The following RIC8B variants were observed in gnomAD, a reference collection of about 807,000 sequenced individuals.
RIC8B encodes the protein chaperone Ric-8B.
In RIC8B, 16 loss-of-function variants were observed where a neutral mutation model predicts 57.5. The ratio of observed to expected loss-of-function variants is 0.28; its 90% CI spans 0.19 to 0.42. The LOEUF is 0.42. Ranked by LOEUF, RIC8B falls within the 10% of genes least tolerant of loss-of-function variation. RIC8B has a pLI of 1.00. For missense variants in RIC8B, 481 were observed against 677.0 expected (o/e 0.71, Z 3.21); for synonymous variants, 216 against 250.8 (o/e 0.86, Z 1.31).
intron 2 of RIC8B, among the ~76,000 whole-genome samples, chr12:106,790,718 T>G (rs1293019040): frequency 1.3e-5 from 2 of 152,190 alleles, no homozygotes; most frequent in Non-Finnish European, 2.9e-5. Flanking sequence ...GGAAGAGACA[T>G]ATCATAAAAT....
At chr12:106,884,128 A>C (rs1181156473) in intron 9 of RIC8B, among the ~76,000 whole-genome samples, 1 of 152,216 alleles carries the variant, frequency 6.6e-6, no homozygotes, top group Non-Finnish European at 1.5e-5. Context: ...ACCTCACTTG[A>C]CAGTGCCCTC....
intron 9 of RIC8B, among the ~76,000 whole-genome samples, chr12:106,872,852 A>G (rs1212069798): frequency 6.6e-6 from 1 of 152,204 alleles, no homozygotes; most frequent in East Asian, 1.9e-4. Flanking sequence ...TAACTGGGCC[A>G]TCTACCCTGG....
In RIC8B at chr12:106,834,983, C is replaced by CAA. The variant is rs71072695; in HGVS notation, c.837-7581_837-7580dup. On this transcript the variant is annotated intron_variant, in intron 4 of 9. Transcript: ENST00000392837. Reference sequence around the variant, plus strand: ...TGGGCGACAGAGCGAGACTCTGTCTCAAAAAAAAAAAAAAAAAAAAAAAAA... The same window carrying CAA: ...TGGGCGACAGAGCGAGACTCTGTCTCAAAAAAAAAAAAAAAAAAAAAAAAAAA... Among the ~76,000 whole-genome samples the CAA allele has an allele frequency of 1.6e-3, 51 of 31,266 alleles. 2 individuals carry two copies. Among genetic ancestry groups the CAA allele is most frequent in the South Asian group, 4.1e-3 (3 of 736 alleles). 20.5% of individuals were successfully genotyped at this position (31,266 alleles called of 152,430 possible). A position where few individuals can be genotyped will look rare whatever the true frequency, so the allele number is the denominator to read the frequency against.
At chr12:106,862,372 G>T (rs1422634300) in intron 8 of RIC8B, among the ~76,000 whole-genome samples, 1 of 151,964 alleles carries the variant, frequency 6.6e-6, no homozygotes, top group Non-Finnish European at 1.5e-5. Context: ...GAAAAAGTGT[G>T]GTGAGATATT....
In RIC8B at chr12:106,879,086, A is replaced by T; in HGVS notation, c.1572-6818A>T. On this transcript the variant is annotated intron_variant, in intron 9 of 9. Coordinates refer to ENST00000392837, the MANE Select transcript of RIC8B (RefSeq NM_001330145.2). The surrounding 1 kb of genome is among the most constrained non-coding windows in gnomAD (Gnocchi z 4.9). ...ACAAGGGAATGATTTTTGAGTCGTTATCAAGCTAAGTGGCAAGCGGGAAGC... is the reference window on the plus strand; with the variant it reads ...ACAAGGGAATGATTTTTGAGTCGTTTTCAAGCTAAGTGGCAAGCGGGAAGC... 1 of 985,800 alleles carries T rather than the reference A, an allele frequency of 1.0e-6. No individual in the cohort carries two copies. Among genetic ancestry groups the T allele is most frequent in the African/African-American group, 1.7e-5 (1 of 57,352 alleles). 61.1% of individuals were successfully genotyped at this position (985,800 alleles called of 1,614,324 possible).
chr12:106,839,701 A>C (rs1264530071), intron 4 of RIC8B, among the ~76,000 whole-genome samples: 2 of 152,242 alleles, frequency 1.3e-5, no homozygotes, highest in African/African-American at 2.4e-5. Context: ...TCTTACCACA[A>C]AAGAAAAAAA....
chr12:106,775,580 C>G (rs1419111268), intron 1 of RIC8B, among the ~76,000 whole-genome samples: 1 of 152,196 alleles, frequency 6.6e-6, no homozygotes, highest in Non-Finnish European at 1.5e-5. Flanking sequence ...GTAACTTGCC[C>G]AAGGTCATAC....
chr12:106,863,702 G>A (rs1212034463), intron 8 of RIC8B, among the ~76,000 whole-genome samples: 2 of 152,030 alleles, frequency 1.3e-5, no homozygotes, highest in Non-Finnish European at 2.9e-5. Context: ...GTCATAAAAC[G>A]TATCTAAATT....
rs574135460 is a variant in RIC8B at position 106,821,304 on chromosome 12, CAT to C, written c.742-4420_742-4419del. On this transcript the variant is annotated intron_variant, in intron 3 of 9. Transcript: ENST00000392837. Reference sequence around the variant, plus strand: ...CTCATCTAACGGATATTTATGGAGACATAGACTAATGGAATAGAATAAATAGA... The same window carrying C: ...CTCATCTAACGGATATTTATGGAGACAGACTAATGGAATAGAATAAATAGA... Among the ~76,000 whole-genome samples the C allele has an allele frequency of 4.9e-4, 75 of 152,238 alleles. 1 individual carries two copies. The highest frequency in any genetic ancestry group is 1.7e-3 in the African/African-American group (69 of 41,536).
At position 106,819,221 on chromosome 12, in the gene RIC8B, A is replaced by G. The variant is rs572133362; in HGVS notation, c.741+3917A>G. Among the ~76,000 whole-genome samples the G allele has an allele frequency of 4.6e-5, 7 of 152,324 alleles. No individual in the cohort carries two copies. In the South Asian group the frequency reaches 6.2e-4, roughly 14 times the overall value. On this transcript the variant is annotated intron_variant, in intron 3 of 9. Coordinates refer to ENST00000392837, the MANE Select transcript of RIC8B (RefSeq NM_001330145.2). ...TCAACATGTGTTTCTTTAAGCCACAAGGTTCCTAGCAGTGGCCTCTGGGAG... is the reference window on the plus strand; with the variant it reads ...TCAACATGTGTTTCTTTAAGCCACAGGGTTCCTAGCAGTGGCCTCTGGGAG...
chr12:106,796,118 C>T (rs932812471), intron 2 of RIC8B, among the ~76,000 whole-genome samples: 11 of 152,232 alleles, frequency 7.2e-5, no homozygotes, highest in African/African-American at 2.4e-4. Flanking sequence ...TTTTAGAAAC[C>T]CAGGTGGCTT....
intron 8 of RIC8B, among the ~76,000 whole-genome samples, chr12:106,863,636 A>G (rs1231065669): frequency 6.6e-6 from 1 of 152,078 alleles, no homozygotes; most frequent in Non-Finnish European, 1.5e-5. Flanking sequence ...TTGGGCTGTG[A>G]TGATGTATTT....
chr12:106,792,226 A>G (rs1242151349), intron 2 of RIC8B, among the ~76,000 whole-genome samples: 1 of 152,208 alleles, frequency 6.6e-6, no homozygotes, highest in African/African-American at 2.4e-5. Flanking sequence ...GGCAGGATGA[A>G]TGCTTCACGG....
intron 7 of RIC8B, among the ~76,000 whole-genome samples, chr12:106,858,682 A>G (rs1949809540): frequency 6.6e-6 from 1 of 152,058 alleles, no homozygotes; most frequent in Non-Finnish European, 1.5e-5. Context: ...CACAGTTACC[A>G]ATAGGTTTTA....
chr12:106,884,868 A>G (rs1244555049), intron 9 of RIC8B, among the ~76,000 whole-genome samples: 1 of 152,098 alleles, frequency 6.6e-6, no homozygotes, highest in African/African-American at 2.4e-5. Context: ...GTGAGGAGGG[A>G]GTCATTTCCC....
chr12:106,800,091 T>C (rs781207939), intron 2 of RIC8B, among the ~76,000 whole-genome samples: 1 of 152,130 alleles, frequency 6.6e-6, no homozygotes, highest in African/African-American at 2.4e-5. Context: ...GTGTCTCTTA[T>C]AAGGGAAGTA....
At chr12:106,820,185 C>T (rs1382611428) in intron 3 of RIC8B, among the ~76,000 whole-genome samples, 1 of 152,170 alleles carries the variant, frequency 6.6e-6, no homozygotes, top group Non-Finnish European at 1.5e-5. Context: ...TTACAGTTCA[C>T]CAAAAATAGA....
intron 4 of RIC8B, among the ~76,000 whole-genome samples, chr12:106,838,311 TA>T (rs2046710538): frequency 6.6e-6 from 1 of 152,118 alleles, no homozygotes; most frequent in Non-Finnish European, 1.5e-5. Flanking sequence ...TCTCACATCA[TA>T]CACAAAAATC....
intron 2 of RIC8B, among the ~76,000 whole-genome samples, chr12:106,803,610 T>C (rs893133553): frequency 3.9e-5 from 6 of 152,252 alleles, no homozygotes; most frequent in Non-Finnish European, 8.8e-5. Flanking sequence ...TCACTTTCTC[T>C]GTGCCCCTTT....
Sources: allele counts gnomAD v4.1 joint callset (sites outside exome capture counted in the v4.1 genomes callset), GRCh38; gene constraint gnomAD v4.1.1; non-coding constraint Gnocchi (gnomAD v3.1); transcripts MANE v1.5; gene names NCBI Gene and HGNC (gene_info 2026-07-23, HGNC 2026-07-21).